Variants in KDM6A observed in about 807,000 individuals in gnomAD.
KDM6A encodes lysine demethylase 6A.
A neutral mutation model predicts 117.6 loss-of-function variants in KDM6A; 11 were observed. The observed-to-expected ratio is 0.09, with a 90% confidence interval of 0.06 to 0.15. The LOEUF is 0.15. Among genes scored for constraint, KDM6A ranks in the 10% least tolerant of loss-of-function variants. KDM6A has a pLI of 1.00. For missense variants in KDM6A, 799 were observed against 1,077.3 expected (o/e 0.74, Z 3.62); for synonymous variants, 384 against 396.1 (o/e 0.97, Z 0.36).
At chrX:44,886,240 C>T (rs1283817688) in intron 2 of KDM6A, among the ~76,000 whole-genome samples, 1 of 108,921 alleles carries the variant, frequency 9.2e-6, no homozygotes, top group Non-Finnish European at 1.9e-5. Context: ...TTAGTAGAGA[C>T]GGTTTCACTG....
At chrX:44,979,561 A>AC (rs1350913054) in intron 4 of KDM6A, among the ~76,000 whole-genome samples, 1 of 111,399 alleles carries the variant, frequency 9.0e-6, no homozygotes, top group Admixed American at 9.6e-5. Flanking sequence ...GTGTCTTTTG[A>AC]AGAGCAAATG....
At chrX:45,042,262 A>G (rs1569528652) in intron 8 of KDM6A, among the ~76,000 whole-genome samples, 3 of 5,154 alleles carry the variant, frequency 5.8e-4, no homozygotes, top group African/African-American at 2.5e-3. Context: ...GTGGAGGGAG[A>G]GGGGAGAGGG....
intron 8 of KDM6A, among the ~76,000 whole-genome samples, chrX:45,046,134 G>A (rs1433705457): frequency 9.0e-6 from 1 of 111,165 alleles, no homozygotes; most frequent in Non-Finnish European, 1.9e-5. Flanking sequence ...TTCATTTCAG[G>A]AATGCAAGGT....
chrX:44,934,983 T>C (rs1220624119), intron 2 of KDM6A, among the ~76,000 whole-genome samples: 6 of 111,770 alleles, frequency 5.4e-5, no homozygotes, highest in African/African-American at 2.0e-4. Flanking sequence ...GGTAGTGTTA[T>C]ATCACGGAGG....
chrX:45,033,842 C>T (rs980619662), intron 6 of KDM6A, among the ~76,000 whole-genome samples: 1 of 110,667 alleles, frequency 9.0e-6, no homozygotes, highest in East Asian at 2.8e-4. Flanking sequence ...CGTGAGCCAC[C>T]GCACCTTGCC....
At position 45,004,360 on chromosome X, in the gene KDM6A, G is replaced by C. The variant is rs372940504; in HGVS notation, c.385-6601G>C. On this transcript the variant is annotated intron_variant, in intron 4 of 29. Transcript: ENST00000611820. ...AGCCATCTGTTGGAAGGTAGAAAAC[G>C]TAAGTTTTGTCTTTTGTTTCTGTTT... 2.3e-3 allele frequency among the ~76,000 whole-genome samples: 258 copies of C among 111,547 alleles called. 5 individuals are homozygous for C. The South Asian group carries it at 0.058, about 25-fold the overall frequency.
At chrX:44,989,365 C>G (rs893754214) in intron 4 of KDM6A, among the ~76,000 whole-genome samples, 2 of 107,281 alleles carry the variant, frequency 1.9e-5, no homozygotes, top group African/African-American at 6.8e-5. Context: ...GAGGTGATGC[C>G]TCGCCCTGCT....
intron 2 of KDM6A, among the ~76,000 whole-genome samples, chrX:44,942,356 C>T (rs1315733365): frequency 2.7e-5 from 3 of 110,195 alleles, no homozygotes; most frequent in Non-Finnish European, 5.7e-5. Flanking sequence ...AAGAAATTGT[C>T]TTTGCACATT....
chrX:44,985,427 C>A (rs914037189), intron 4 of KDM6A, among the ~76,000 whole-genome samples: 2 of 111,348 alleles, frequency 1.8e-5, no homozygotes, highest in African/African-American at 6.5e-5. Flanking sequence ...ATTGCCATGG[C>A]CAGAACTTCC....
intron 27 of KDM6A, among the ~76,000 whole-genome samples, chrX:45,096,381 C>T (rs1388686295): frequency 9.0e-6 from 1 of 111,620 alleles, no homozygotes; most frequent in Non-Finnish European, 1.9e-5. Flanking sequence ...TGCATTGGTA[C>T]CCAGGTTTGT....
Position 45,062,768 on chromosome X carries a change from C to A in KDM6A, c.1683+20C>A. The A allele has an allele frequency of 9.7e-7, 1 of 1,034,769 alleles. No individual in the cohort carries two copies. The allele number at this position is 1,034,769 out of a possible 1,213,427, so 85.3% of individuals were successfully genotyped here. A position where few individuals can be genotyped will look rare whatever the true frequency, so the allele number is the denominator to read the frequency against. On this transcript the variant is annotated intron_variant, in intron 16 of 29. Transcript: ENST00000611820. Reference sequence around the variant, plus strand: ...CACCAAGTGTGTATAGCATATTTTTCCCTGAAATTTGTTAGCATTTTGAGT... The same window carrying A: ...CACCAAGTGTGTATAGCATATTTTTACCTGAAATTTGTTAGCATTTTGAGT...
In KDM6A at chrX:44,873,916, C is replaced by G. The variant is rs1244800514; in HGVS notation, c.162-8C>G. ...GCGTTAACGAGTAAACTGTGTCTGT[C>G]TCCACAGCCGCCTCTTTGGGTTCGT... On this transcript the variant is annotated splice_region_variant and splice_polypyrimidine_tract_variant and intron_variant, in intron 1 of 29. Transcript: ENST00000611820. The G allele has an allele frequency of 1.7e-6, 2 of 1,208,577 alleles. No homozygotes were observed. The highest frequency in any genetic ancestry group is 3.5e-5 in the African/African-American group (2 of 57,406).
chrX:45,055,515 A>G (rs1286979825), intron 10 of KDM6A, among the ~76,000 whole-genome samples: 1 of 111,886 alleles, frequency 8.9e-6, no homozygotes, highest in African/African-American at 3.2e-5. Flanking sequence ...TTGCTTCTAA[A>G]TAAAGCTGGA....
At chrX:44,880,218 A>G (rs1253741308) in intron 2 of KDM6A, among the ~76,000 whole-genome samples, 1 of 109,246 alleles carries the variant, frequency 9.2e-6, no homozygotes, top group Admixed American at 9.8e-5. Context: ...GCAGATGTTC[A>G]AAGGATGATC....
chrX:45,073,871 T>G (rs1035801459), intron 18 of KDM6A, among the ~76,000 whole-genome samples: 22 of 111,991 alleles, frequency 2.0e-4, no homozygotes, highest in Non-Finnish European at 3.2e-4. Flanking sequence ...AGAAGCTCTT[T>G]AGTTTAATTA....
chrX:45,076,968 A>G, intron 19 of KDM6A, 142 bp downstream of exon 19: 1 of 520,815 alleles, frequency 1.9e-6, no homozygotes. Flanking sequence ...GCGGGGGGGA[A>G]GATATATTCA....
chrX:44,956,527 C>T (rs906909155), intron 2 of KDM6A, among the ~76,000 whole-genome samples: 3 of 110,569 alleles, frequency 2.7e-5, no homozygotes, highest in Non-Finnish European at 3.8e-5. Context: ...AAGCTTCCCA[C>T]GTAGCTGGGA....
At chrX:44,897,041 T>C (rs1427302982) in intron 2 of KDM6A, among the ~76,000 whole-genome samples, 1 of 110,705 alleles carries the variant, frequency 9.0e-6, no homozygotes, top group Admixed American at 9.6e-5. Context: ...ATTATATCTT[T>C]GAATACTTTT....
At chrX:45,077,081 G>A (rs769709635) in intron 19 of KDM6A, among the ~76,000 whole-genome samples, 4 of 110,211 alleles carry the variant, frequency 3.6e-5, no homozygotes, top group African/African-American at 6.6e-5. Flanking sequence ...TTTGAGCAGC[G>A]TTAGGAAAAA....
Sources: gnomAD v4.1 joint callset for allele counts (sites outside exome capture counted in the v4.1 genomes callset) on GRCh38, gnomAD v4.1.1 for gene constraint, MANE v1.5 for transcripts, NCBI Gene and HGNC (gene_info 2026-07-23, HGNC 2026-07-21) for gene names.